LARGE1: variants seen among roughly 807,000 people sequenced by gnomAD.
LARGE1 encodes the protein xylosyl- and glucuronyltransferase LARGE1.
LARGE1 carries 43 observed loss-of-function variants against 87.6 expected under a neutral mutation model. The observed-to-expected ratio is 0.49, with a 90% CI of 0.38 to 0.63. The LOEUF (loss-of-function observed/expected upper bound fraction) is 0.63, where lower values mean the gene tolerates loss of function less well. Ranked by LOEUF, LARGE1 falls within the 30% of genes least tolerant of loss-of-function variation. The pLI, the probability that LARGE1 is intolerant of heterozygous loss-of-function variation, is 0.00. For missense variants in LARGE1, 802 were observed against 1,000.2 expected, an observed-to-expected ratio of 0.80 and a Z score of 2.67; for synonymous variants, 434 against 394.6, an observed-to-expected ratio of 1.10 and a Z score of -1.18.
chr22:33,859,766 A>C (rs1009251720), intron 1 of LARGE1, among the ~76,000 whole-genome samples: 1 of 152,246 alleles, frequency 6.6e-6, no homozygotes, highest in African/African-American at 2.4e-5. Context: ...TAAATGGGCA[A>C]ACCAAGGTGC....
intron 9 of LARGE1, among the ~76,000 whole-genome samples, chr22:33,343,075 T>A (rs761170210): frequency 1.3e-5 from 2 of 152,204 alleles, no homozygotes; most frequent in Non-Finnish European, 2.9e-5. Context: ...ATAGCTACCA[T>A]GTATTCAATA....
chr22:33,419,629 AGGGTTCCACTAGTGGTATT>A (rs1324168208), intron 7 of LARGE1, among the ~76,000 whole-genome samples: 2 of 151,894 alleles, frequency 1.3e-5, no homozygotes, highest in Non-Finnish European at 2.9e-5. Context: ...CTTTTCTGTT[AGGGTTCCACTAGTGGTATT>A]TGTGGCCAGA....
At chr22:33,422,551 C>T (rs1305991642) in intron 7 of LARGE1, among the ~76,000 whole-genome samples, 1 of 151,272 alleles carries the variant, frequency 6.6e-6, no homozygotes, top group African/African-American at 2.4e-5. Flanking sequence ...GCTCTGTTAC[C>T]CAGGCTGGAG....
At chr22:33,374,395 A>T (rs897007441) in intron 9 of LARGE1, among the ~76,000 whole-genome samples, 1 of 152,240 alleles carries the variant, frequency 6.6e-6, no homozygotes, top group Non-Finnish European at 1.5e-5. Context: ...ATCTTTATTC[A>T]GTATTTGATT....
At chr22:33,565,265 T>A (rs1487090107) in intron 5 of LARGE1, among the ~76,000 whole-genome samples, 2 of 152,232 alleles carry the variant, frequency 1.3e-5, no homozygotes, top group African/African-American at 4.8e-5. Context: ...TAATTATTAC[T>A]GCAAATCCTA....
intron 7 of LARGE1, among the ~76,000 whole-genome samples, chr22:33,402,728 TG>T (rs2065964675): frequency 6.6e-6 from 1 of 152,188 alleles, no homozygotes; most frequent in Admixed American, 6.5e-5. Context: ...TGTTATTACC[TG>T]GGGTATATTT....
intron 10 of LARGE1, among the ~76,000 whole-genome samples, chr22:33,324,282 C>T (rs1408135948): frequency 1.1e-5 from 1 of 92,570 alleles, no homozygotes; most frequent in African/African-American, 5.5e-5. Flanking sequence ...AAACAAAAAG[C>T]CAAAAACAAA....
At chr22:33,743,064 T>C (rs2267281) in intron 2 of LARGE1, 46,434 of 151,854 alleles carry the variant, frequency 0.31, 9,696 homozygotes, top group African/African-American at 0.61. Context: ...CCTCCCCGTA[T>C]TCTCTCTCCT....
chr22:33,462,982 T>C (rs2068440689), intron 6 of LARGE1, among the ~76,000 whole-genome samples: 1 of 152,196 alleles, frequency 6.6e-6, no homozygotes, highest in Non-Finnish European at 1.5e-5. Context: ...AGTTAAATAT[T>C]CATGTTAAGA....
intron 2 of LARGE1, among the ~76,000 whole-genome samples, chr22:33,745,146 G>T (rs1466222559): frequency 6.6e-6 from 1 of 152,156 alleles, no homozygotes; most frequent in Admixed American, 6.5e-5. Context: ...CAATCCAAGG[G>T]TCTCTTTCTG....
intron 1 of LARGE1, among the ~76,000 whole-genome samples, chr22:33,854,377 C>T (rs1293851890): frequency 6.6e-6 from 1 of 152,048 alleles, no homozygotes; most frequent in Non-Finnish European, 1.5e-5. Context: ...CTGGGAGCAT[C>T]GGTTTCAGTT....
At chr22:33,399,778 G>C (rs2065876348) in intron 7 of LARGE1, among the ~76,000 whole-genome samples, 1 of 152,158 alleles carries the variant, frequency 6.6e-6, no homozygotes, top group African/African-American at 2.4e-5. Flanking sequence ...TCGATCTCCT[G>C]ACCTCGTGAT....
chr22:33,121,404 C>A, the LARGE1 span, among the ~76,000 whole-genome samples: 3 of 152,138 alleles, frequency 2.0e-5, no homozygotes, highest in Non-Finnish European at 4.4e-5. Flanking sequence ...GTTAAGAATG[C>A]CTGTTGTGAG....
chr22:33,114,232 TAG>T, the LARGE1 span, among the ~76,000 whole-genome samples: 1 of 152,122 alleles, frequency 6.6e-6, no homozygotes, highest in African/African-American at 2.4e-5. Context: ...AATTAGCTAA[TAG>T]AGGCTAAATG....
chr22:33,103,234 C>A, the LARGE1 span, among the ~76,000 whole-genome samples: 3 of 151,848 alleles, frequency 2.0e-5, no homozygotes, highest in South Asian at 6.2e-4. Context: ...GAGATTGAGA[C>A]CATCCTGGCT....
rs187740710 is a variant in LARGE1, at chr22:33,893,939, T to C, written c.-83+26056A>G. On this transcript the variant is annotated intron_variant, in intron 1 of 14. Transcript: ENST00000397394. ...TCACTACATGTTGAGTAGAAGTGCA[T>C]TGAAGGCACTGAAGATGCAGGAAAT... is the stretch of plus-strand genomic sequence containing the variant. Among the ~76,000 whole-genome samples, 175 of 152,244 alleles carry C rather than the reference T, an allele frequency of 1.1e-3. 1 individual carries two copies. The highest frequency in any genetic ancestry group is 4.1e-4 in the Non-Finnish European group (28 of 68,004).
chr22:33,661,740 G>A (rs2081129159), intron 2 of LARGE1, among the ~76,000 whole-genome samples: 1 of 152,016 alleles, frequency 6.6e-6, no homozygotes, highest in African/African-American at 2.4e-5. Flanking sequence ...AGAAGAGTTA[G>A]GGACTCTCAT....
intron 1 of LARGE1, among the ~76,000 whole-genome samples, chr22:33,838,454 C>A (rs2063173115): frequency 6.6e-6 from 1 of 152,110 alleles, no homozygotes; most frequent in South Asian, 2.1e-4. Context: ...GCCTGAGCAA[C>A]AGGGCAAGAC....
chr22:33,432,928 C>G (rs2067133909), intron 6 of LARGE1, among the ~76,000 whole-genome samples: 2 of 152,194 alleles, frequency 1.3e-5, no homozygotes, highest in African/African-American at 4.8e-5. Flanking sequence ...TAGATAACAA[C>G]TGCTCCTCTG....
Sources: gnomAD v4.1 joint callset for allele counts (sites outside exome capture counted in the v4.1 genomes callset) on GRCh38, gnomAD v4.1.1 for gene constraint, MANE v1.5 for transcripts, NCBI Gene and HGNC (gene_info 2026-07-23, HGNC 2026-07-21) for gene names.